The following ANKS1B variants were observed in gnomAD, a reference collection of about 807,000 sequenced individuals.
ANKS1B encodes ankyrin repeat and sterile alpha motif domain containing 1B.
In ANKS1B, 36 loss-of-function variants were observed where a neutral mutation model predicts 148.3. The ratio of observed to expected loss-of-function variants is 0.24; its 90% CI spans 0.19 to 0.32. ANKS1B has a LOEUF of 0.32. Among genes scored for constraint, ANKS1B ranks in the 10% least tolerant of loss-of-function variants. The pLI, the probability that ANKS1B is intolerant of heterozygous loss-of-function variation, is 1.00. For missense variants in ANKS1B, 1,157 were observed against 1,542.6 expected (o/e 0.75, Z 4.19); for synonymous variants, 542 against 560.8 (o/e 0.97, Z 0.47).
intron 17 of ANKS1B, among the ~76,000 whole-genome samples, chr12:98,934,738 T>G (rs980096904): frequency 5.3e-5 from 8 of 152,194 alleles, no homozygotes; most frequent in East Asian, 3.9e-4. Flanking sequence ...AAATAGAATT[T>G]TTTTCCTAAT....
At chr12:99,582,545 C>T (rs1243299317) in intron 9 of ANKS1B, among the ~76,000 whole-genome samples, 1 of 152,086 alleles carries the variant, frequency 6.6e-6, no homozygotes, top group Non-Finnish European at 1.5e-5. Flanking sequence ...TGTGGATGAA[C>T]CTGAAAACAT....
In ANKS1B at chr12:99,461,050, A is replaced by G. The variant is rs537867280; in HGVS notation, c.1439-17241T>C. The stretch of plus-strand genomic sequence containing the variant: ...GAAAATGTGGTGGATATATACATGT[A>G]TATATATATATATATACACATACAC... On this transcript the variant is annotated intron_variant, in intron 10 of 26. Transcript: ENST00000683438. 2.6e-4 allele frequency among the ~76,000 whole-genome samples: 38 copies of G among 146,242 alleles called. 1 individual carries two copies. In the South Asian group the frequency reaches 6.8e-3, roughly 26 times the overall value.
At chr12:99,582,121 T>C (rs540603116) in intron 9 of ANKS1B, among the ~76,000 whole-genome samples, 25 of 152,098 alleles carry the variant, frequency 1.6e-4, no homozygotes, top group African/African-American at 3.1e-4. Flanking sequence ...CTTAACATCA[T>C]TGATCATTAG....
At chr12:98,954,256 TTTAG>T (rs1165418486) in intron 17 of ANKS1B, 1 of 152,266 alleles carries the variant, frequency 6.6e-6, no homozygotes, top group Non-Finnish European at 1.5e-5. Flanking sequence ...TTTATTTTTC[TTTAG>T]TATCTCTGAA....
intron 8 of ANKS1B, among the ~76,000 whole-genome samples, chr12:99,700,852 G>C (rs1299571382): frequency 1.3e-5 from 2 of 152,132 alleles, no homozygotes; most frequent in African/African-American, 4.8e-5. Context: ...GATTGCCCTT[G>C]ACAGTCTCAG....
intron 9 of ANKS1B, among the ~76,000 whole-genome samples, chr12:99,554,006 G>T (rs939688435): frequency 6.6e-6 from 1 of 152,172 alleles, no homozygotes; most frequent in Non-Finnish European, 1.5e-5. Flanking sequence ...GTCTTCAGCT[G>T]CTAGTAGAAA....
intron 15 of ANKS1B, among the ~76,000 whole-genome samples, chr12:99,121,626 T>C (rs1169541208): frequency 6.6e-6 from 1 of 152,186 alleles, no homozygotes; most frequent in Non-Finnish European, 1.5e-5. Flanking sequence ...GCAGGATCAG[T>C]AGGATGCGCT....
chr12:99,353,927 T>C (rs2091715749), intron 12 of ANKS1B, among the ~76,000 whole-genome samples: 1 of 152,070 alleles, frequency 6.6e-6, no homozygotes, highest in Non-Finnish European at 1.5e-5. Flanking sequence ...AATACTAAAG[T>C]AATTTTCTTT....
At chr12:99,152,478 T>C (rs1307463110) in intron 15 of ANKS1B, among the ~76,000 whole-genome samples, 1 of 152,180 alleles carries the variant, frequency 6.6e-6, no homozygotes, top group Non-Finnish European at 1.5e-5. Flanking sequence ...GCCTTCCATA[T>C]AAATTTTGAA....
chr12:99,058,779 C>T lies in ANKS1B; in HGVS notation c.2626-5470G>A, dbSNP rs1362134170. 4.7e-5 allele frequency among the ~76,000 whole-genome samples: 6 copies of T among 126,690 alleles called. No homozygotes were observed. The Admixed American group carries it at 5.6e-4, about 12-fold the overall frequency. The allele number at this position is 126,690 out of a possible 152,430, so 83.1% of individuals were successfully genotyped here. A position where few individuals can be genotyped will look rare whatever the true frequency, so the allele number is the denominator to read the frequency against. ...TTGAGACGGAGTCTCGCTCTGTCGC[C>T]CAGGCTGGAGTGCAGTGGCGCGATC... On this transcript the variant is annotated intron_variant, in intron 16 of 26. Transcript: ENST00000683438.
intron 12 of ANKS1B, among the ~76,000 whole-genome samples, chr12:99,360,835 G>A (rs73151103): frequency 0.13 from 19,258 of 152,028 alleles, 1,291 homozygotes; most frequent in African/African-American, 0.18. Flanking sequence ...AGATCATTCT[G>A]TTAAGTGAAA....
intron 8 of ANKS1B, among the ~76,000 whole-genome samples, chr12:99,674,959 A>T (rs2098555478): frequency 6.6e-6 from 1 of 151,974 alleles, no homozygotes; most frequent in Non-Finnish European, 1.5e-5. Context: ...AAGACTTGAA[A>T]AGATCATTTT....
intron 12 of ANKS1B, among the ~76,000 whole-genome samples, chr12:99,287,428 C>T (rs897635175): frequency 8.5e-5 from 13 of 152,066 alleles, no homozygotes; most frequent in African/African-American, 3.1e-4. Context: ...AAAGCCTTCC[C>T]AAGAAGGATG....
At chr12:99,260,596 T>G (rs180898445) in intron 12 of ANKS1B, among the ~76,000 whole-genome samples, 1 of 152,308 alleles carries the variant, frequency 6.6e-6, no homozygotes, top group East Asian at 1.9e-4. Flanking sequence ...TAAATCAACT[T>G]TGCTGTTGCT....
At chr12:99,508,200 A>G (rs2096731152) in intron 9 of ANKS1B, among the ~76,000 whole-genome samples, 1 of 151,848 alleles carries the variant, frequency 6.6e-6, no homozygotes, top group South Asian at 2.1e-4. Flanking sequence ...TCATTTACAC[A>G]TTCTCCTGAC....
chr12:99,119,327 G>T (rs1050479032), intron 15 of ANKS1B, among the ~76,000 whole-genome samples: 4 of 152,156 alleles, frequency 2.6e-5, no homozygotes, highest in Admixed American at 6.5e-5. Flanking sequence ...ACCCTCTAGA[G>T]CTTCTGGAGG....
At chr12:99,423,346 G>A (rs147753574) in intron 11 of ANKS1B, among the ~76,000 whole-genome samples, 174 of 152,274 alleles carry the variant, frequency 1.1e-3, no homozygotes, top group East Asian at 5.8e-3. Flanking sequence ...AGATGTTGGC[G>A]AGGTTGTGGA....
At chr12:98,837,692 G>A (rs917544502) in intron 17 of ANKS1B, among the ~76,000 whole-genome samples, 5 of 152,108 alleles carry the variant, frequency 3.3e-5, no homozygotes, top group South Asian at 2.1e-4. Context: ...ACATGGAATA[G>A]CTTACTTCAG....
At chr12:99,540,503 A>C (rs1195291802) in intron 9 of ANKS1B, among the ~76,000 whole-genome samples, 1 of 152,188 alleles carries the variant, frequency 6.6e-6, no homozygotes, top group African/African-American at 2.4e-5. Context: ...ATTAGAAAAC[A>C]ATAAAAATGA....
Sources: gnomAD v4.1 joint callset for allele counts (sites outside exome capture counted in the v4.1 genomes callset) on GRCh38, gnomAD v4.1.1 for gene constraint, MANE v1.5 for transcripts, NCBI Gene and HGNC (gene_info 2026-07-23, HGNC 2026-07-21) for gene names.